HNF4G: variants seen among roughly 807,000 people sequenced by gnomAD.
The protein encoded by HNF4G is hepatocyte nuclear factor 4 gamma.
A neutral mutation model predicts 50.9 loss-of-function variants in HNF4G; 21 were observed. That is an observed-to-expected ratio of 0.41 (90% CI 0.29 to 0.59). HNF4G has a LOEUF of 0.59. HNF4G is among the 20% of genes least tolerant of loss of function. HNF4G has a pLI of 0.26. For synonymous variants in HNF4G, 198 were observed against 185.6 expected (o/e 1.07, Z -0.54); for missense variants, 527 against 559.4 (o/e 0.94, Z 0.58).
intron 1 of HNF4G, among the ~76,000 whole-genome samples, chr8:75,454,412 C>T (rs1811669297): frequency 6.6e-6 from 1 of 152,186 alleles, no homozygotes; most frequent in Non-Finnish European, 1.5e-5. Context: ...AACCTCAGTA[C>T]ATGCAGTTCT....
In HNF4G at chr8:75,477,943, G is replaced by A. The variant is rs185527356; in HGVS notation, c.-143-12146G>A. Among the ~76,000 whole-genome samples, 207 of 150,912 alleles carry A rather than the reference G, an allele frequency of 1.4e-3. 1 individual carries two copies. Among genetic ancestry groups the A allele is most frequent in the African/African-American group, 4.4e-3 (180 of 41,044 alleles). On this transcript the variant is annotated intron_variant, in intron 1 of 10. Coordinates refer to the HNF4G transcript ENST00000354370. ...GATCGTGCTATTGCACTCCAGCTTGGGCAACAAGAGCGAAACTCCGTTCAA... is the reference window on the plus strand; with the variant it reads ...GATCGTGCTATTGCACTCCAGCTTGAGCAACAAGAGCGAAACTCCGTTCAA...
At chr8:75,455,930 T>TA (rs1811709200) in intron 1 of HNF4G, among the ~76,000 whole-genome samples, 2 of 152,238 alleles carry the variant, frequency 1.3e-5, no homozygotes, top group African/African-American at 4.8e-5. Flanking sequence ...TTAATTTAAT[T>TA]AACTAATAGA....
chr8:75,443,266 A>G (rs1283085899), intron 1 of HNF4G, among the ~76,000 whole-genome samples: 1 of 152,148 alleles, frequency 6.6e-6, no homozygotes, highest in East Asian at 1.9e-4. Flanking sequence ...TTTATAAGCA[A>G]CCTAATTTAT....
At position 75,566,435 on chromosome 8, in the gene HNF4G, G is replaced by A. The variant is rs2943538; in HGVS notation, c.*2339G>A. ...TTTTAGTGAACCCTGTAATTTATTC[G>A]TGTATATTTACTAAACAGCTGTATC... On this transcript the variant is annotated 3_prime_UTR_variant, in exon 10 of 10. Coordinates refer to ENST00000396423, the MANE Select transcript of HNF4G (RefSeq NM_004133.5). 0.64 allele frequency: 96,800 copies of A among 152,322 alleles called. 32,248 individuals carry two copies. The highest frequency in any genetic ancestry group is 0.84 in the African/African-American group (34,633 of 41,470). 9.4% of individuals were successfully genotyped at this position (152,322 alleles called of 1,614,324 possible).
chr8:75,506,374 T>A (rs1813080508), intron 2 of HNF4G, among the ~76,000 whole-genome samples: 1 of 152,106 alleles, frequency 6.6e-6, no homozygotes, highest in African/African-American at 2.4e-5. Context: ...AGCAGGAAAC[T>A]TATCTTCCAC....
At chr8:75,514,969 A>G (rs1422010773) in intron 2 of HNF4G, among the ~76,000 whole-genome samples, 1 of 152,112 alleles carries the variant, frequency 6.6e-6, no homozygotes, top group African/African-American at 2.4e-5. Context: ...AAATTAATAA[A>G]TATACTTGTT....
At chr8:75,433,412 C>CAAAAA (rs1186388765) in intron 1 of HNF4G, among the ~76,000 whole-genome samples, 43 of 62,478 alleles carry the variant, frequency 6.9e-4, no homozygotes, top group Non-Finnish European at 8.3e-4. Flanking sequence ...TGTCTCAGAA[C>CAAAAA]AAAAAAAAAA....
intron 1 of HNF4G, among the ~76,000 whole-genome samples, chr8:75,447,000 C>T (rs1331974534): frequency 2.7e-5 from 4 of 146,172 alleles, no homozygotes; most frequent in Non-Finnish European, 3.0e-5. Context: ...AAGAACAAAG[C>T]TGGAGGCATC....
At chr8:75,534,694 A>T (rs570098000) in intron 2 of HNF4G, among the ~76,000 whole-genome samples, 49 of 151,976 alleles carry the variant, frequency 3.2e-4, no homozygotes, top group Non-Finnish European at 5.8e-4. Context: ...GTGCTTATGT[A>T]TTTCTGTCAA....
intron 2 of HNF4G, among the ~76,000 whole-genome samples, chr8:75,529,737 C>T (rs983987357): frequency 1.1e-4 from 16 of 152,072 alleles, no homozygotes; most frequent in African/African-American, 3.6e-4. Flanking sequence ...TGTGAATTTC[C>T]TTTCACTAAT....
At chr8:75,440,809 T>C (rs574698225) in intron 1 of HNF4G, among the ~76,000 whole-genome samples, 1 of 152,102 alleles carries the variant, frequency 6.6e-6, no homozygotes, top group Non-Finnish European at 1.5e-5. Flanking sequence ...AAAGTATATG[T>C]CCTCATTTTA....
chr8:75,488,091 A>G (rs964127991), intron 1 of HNF4G, among the ~76,000 whole-genome samples: 2 of 152,208 alleles, frequency 1.3e-5, no homozygotes, highest in African/African-American at 4.8e-5. Context: ...ACTACAATTC[A>G]AAATGAGATT....
intron 1 of HNF4G, among the ~76,000 whole-genome samples, chr8:75,465,631 T>C (rs1811950936): frequency 6.6e-6 from 1 of 151,498 alleles, no homozygotes; most frequent in South Asian, 2.1e-4. Flanking sequence ...AAAGAAAAAG[T>C]AGAAAGACAA....
At chr8:75,461,769 A>C (rs1024450172) in intron 1 of HNF4G, among the ~76,000 whole-genome samples, 1 of 151,822 alleles carries the variant, frequency 6.6e-6, no homozygotes, top group African/African-American at 2.4e-5. Context: ...ATAAAGTTTA[A>C]TTTATAAATT....
chr8:75,535,888 T>C (rs1342940001), upstream of HNF4G, among the ~76,000 whole-genome samples: 1 of 151,934 alleles, frequency 6.6e-6, no homozygotes, highest in Non-Finnish European at 1.5e-5. Flanking sequence ...GAATCAATAG[T>C]GGATTGGGTT....
chr8:75,564,071 A>T lies in HNF4G; in HGVS notation c.1343A>T (p.His448Leu), dbSNP rs777270045. 2.5e-6 allele frequency: 4 copies of T among 1,613,610 alleles called. No individual in the cohort carries two copies. In the South Asian group the frequency reaches 4.4e-5, roughly 18 times the overall value. Residue 448 changes from histidine to leucine, a missense_variant, in exon 10 of 10, where the codon CAT becomes CTT. Physicochemically the swap from His to Leu is moderately conservative, Grantham distance 99. Coordinates refer to ENST00000396423, the MANE Select transcript of HNF4G (RefSeq NM_004133.5). ...ANQASVISHQ[H>L]LSKQKQL ...CAAGCATCAGTCATTTCACACCAGC[A>T]TCTCTCCAAACAAAAGCAATTGTGA...
At chr8:75,409,952 C>T (rs1214767283) in intron 1 of HNF4G, among the ~76,000 whole-genome samples, 1 of 152,116 alleles carries the variant, frequency 6.6e-6, no homozygotes, top group Non-Finnish European at 1.5e-5. Flanking sequence ...TCTCTAATCT[C>T]TATGTGTATA....
chr8:75,439,859 C>T (rs564067740), intron 1 of HNF4G, among the ~76,000 whole-genome samples: 48 of 151,864 alleles, frequency 3.2e-4, no homozygotes, highest in Non-Finnish European at 6.3e-4. Context: ...GTTTTTACTA[C>T]ATAACTAAGA....
intron 1 of HNF4G, among the ~76,000 whole-genome samples, chr8:75,470,885 G>A (rs1452136742): frequency 6.6e-6 from 1 of 152,158 alleles, no homozygotes; most frequent in African/African-American, 2.4e-5. Context: ...GATACAAGGG[G>A]TTAAGTCACT....
Sources: gnomAD v4.1 joint callset for allele counts (sites outside exome capture counted in the v4.1 genomes callset) on GRCh38, gnomAD v4.1.1 for gene constraint, MANE v1.5 for transcripts, NCBI Gene and HGNC (gene_info 2026-07-23, HGNC 2026-07-21) for gene names.